The following IL17REL variants were observed in gnomAD, a reference collection of about 807,000 sequenced individuals.
IL17REL encodes interleukin-17 receptor E-like protein.
Under a neutral mutation model 49.0 loss-of-function variants are expected in IL17REL, and 36 were observed. That is an observed-to-expected ratio of 0.73 (90% CI 0.56 to 0.97). The LOEUF (loss-of-function observed/expected upper bound fraction) is 0.97. Ranked by LOEUF, IL17REL falls within the 50% of genes least tolerant of loss-of-function variation. The pLI is 0.00. For synonymous variants in IL17REL, 206 were observed against 192.4 expected (o/e 1.07, Z -0.58); for missense variants, 470 against 453.9 (o/e 1.04, Z -0.32).
intron 10 of IL17REL, chr22:49,997,478 T>C: frequency 6.5e-7 from 1 of 1,534,470 alleles, no homozygotes; most frequent in Non-Finnish European, 8.9e-7. Context: ...ATGGTCATTT[T>C]CCAGGCTGTG....
In IL17REL at chr22:49,998,175, G is replaced by C. The variant is rs199676737; in HGVS notation, c.736C>G (p.Arg246Gly). The change falls in exon 8 of 13, where the codon CGT becomes GGT. Residue 246 changes from arginine (R) to glycine (G), a missense_variant. By Grantham distance (125) the Arg-to-Gly change is moderately radical. Coordinates refer to ENST00000341280, the Ensembl canonical transcript of IL17REL. ...AGCTGGCTGGATTGCTGCAGCTTAC[G>C]GCAGCCGGCCCCCGGCCCCGGGCGC... 3.5e-5 allele frequency: 57 copies of C among 1,610,328 alleles called. 1 individual carries two copies. In the East Asian group the frequency reaches 1.1e-3, roughly 32 times the overall value.
intron 10 of IL17REL, 40 bp from the exon 13 acceptor site, chr22:49,997,523 A>G: frequency 7.4e-7 from 1 of 1,353,464 alleles, no homozygotes; most frequent in Non-Finnish European, 1.0e-6. Flanking sequence ...CCGGCCCAGC[A>G]CCCCACCGCC....
At chr22:49,998,337 T>C (rs1392101074) in intron 7 of IL17REL, 28 bp from the exon 10 acceptor site, 1 of 1,574,782 alleles carries the variant, frequency 6.4e-7, no homozygotes, top group Non-Finnish European at 8.6e-7. Context: ...GAAACACAGG[T>C]CAGTTGGGCC....
At chr22:50,007,601 A>T (rs1024241533) in intron 1 of IL17REL, among the ~76,000 whole-genome samples, 2 of 151,620 alleles carry the variant, frequency 1.3e-5, no homozygotes, top group African/African-American at 2.4e-5. Context: ...CTGGTCTCGA[A>T]CTCCTGACGT....
chr22:50,011,809 C>T (rs560534720), upstream of IL17REL, among the ~76,000 whole-genome samples: 1 of 152,330 alleles, frequency 6.6e-6, no homozygotes, highest in East Asian at 1.9e-4. Flanking sequence ...CGTCTCAGGC[C>T]CTGTGGAGCT....
At chr22:50,011,193 T>A, upstream of IL17REL, among the ~76,000 whole-genome samples, 1 of 128,534 alleles carries the variant, frequency 7.8e-6, no homozygotes. Context: ...CCCCACCCCA[T>A]CTTCCATGAG....
chr22:50,000,450 T>A, intron 4 of IL17REL, 28 bp downstream of exon 5: 1 of 1,545,672 alleles, frequency 6.5e-7, no homozygotes, highest in South Asian at 1.1e-5. Flanking sequence ...GAACGGTAGC[T>A]GTGCTCAGGG....
chr22:50,011,168 C>T (rs540554525), upstream of IL17REL, among the ~76,000 whole-genome samples: 1 of 151,874 alleles, frequency 6.6e-6, no homozygotes. Flanking sequence ...CCCTTGACCC[C>T]TCCTGCTCAA....
At chr22:49,998,759 G>C (rs889509376) in intron 7 of IL17REL, among the ~76,000 whole-genome samples, 5 of 151,456 alleles carry the variant, frequency 3.3e-5, no homozygotes, top group Admixed American at 2.0e-4. Context: ...GGGTGCGTGT[G>C]CATGGGTGCG....
At chr22:50,006,172 G>C (rs2061109557) in intron 1 of IL17REL, among the ~76,000 whole-genome samples, 1 of 152,076 alleles carries the variant, frequency 6.6e-6, no homozygotes, top group South Asian at 2.1e-4. Context: ...GTTAGCCAGA[G>C]CTGGACCAAC....
chr22:49,994,814 A>C (rs544826525), exon 13 of IL17REL: 1 of 152,552 alleles, frequency 6.6e-6, no homozygotes, highest in East Asian at 1.9e-4. Flanking sequence ...AGCCTACGTG[A>C]CCCACACGAG....
intron 1 of IL17REL, 146 bp from the exon 3 acceptor site, chr22:50,001,377 C>T (rs2061079419): frequency 3.4e-6 from 2 of 581,342 alleles, no homozygotes; most frequent in Non-Finnish European, 6.1e-6. Context: ...AACTGGAGAG[C>T]AAGTCCCCTG....
At chr22:49,997,029 T>C (rs1261821791) in exon 12 of IL17REL, 2 of 1,553,252 alleles carry the variant, frequency 1.3e-6, no homozygotes, top group East Asian at 2.3e-5. Flanking sequence ...GCCTCCTCCC[T>C]GGGAAGGTCT....
exon 7 of IL17REL, chr22:49,999,308 A>T (rs1211382156): frequency 6.2e-7 from 1 of 1,612,988 alleles, no homozygotes; most frequent in Non-Finnish European, 8.5e-7. Flanking sequence ...AAAGGGGCAG[A>T]TCTGGATCCG....
At chr22:50,006,527 C>G (rs2061111446) in intron 1 of IL17REL, among the ~76,000 whole-genome samples, 1 of 152,070 alleles carries the variant, frequency 6.6e-6, no homozygotes, top group African/African-American at 2.4e-5. Flanking sequence ...ACAGGCCAAG[C>G]AGGCGAAAAA....
intron 1 of IL17REL, among the ~76,000 whole-genome samples, chr22:50,002,708 T>C (rs1414918184): frequency 6.6e-6 from 1 of 152,154 alleles, no homozygotes; most frequent in Non-Finnish European, 1.5e-5. Flanking sequence ...CTGGCCAGGC[T>C]GGTCTCAAAC....
chr22:49,996,924 A>G (rs913316952), intron 12 of IL17REL, 64 bp from the exon 15 acceptor site: 31 of 740,440 alleles, frequency 4.2e-5, no homozygotes, highest in African/African-American at 2.3e-4. Context: ...GGGGATGGGA[A>G]GGGGGGGTGT....
downstream of IL17REL, among the ~76,000 whole-genome samples, chr22:49,992,067 T>G (rs200908991): frequency 3.3e-5 from 5 of 152,336 alleles, no homozygotes; most frequent in South Asian, 2.1e-4. Flanking sequence ...AGTTTCTGAT[T>G]AGCCTTTCCA....
intron 1 of IL17REL, among the ~76,000 whole-genome samples, chr22:50,001,948 T>G (rs1185131515): frequency 6.6e-6 from 1 of 152,208 alleles, no homozygotes; most frequent in Non-Finnish European, 1.5e-5. Context: ...GGTGAGACAG[T>G]GCGGCTGCTG....
Sources: allele counts gnomAD v4.1 joint callset (sites outside exome capture counted in the v4.1 genomes callset), GRCh38; gene constraint gnomAD v4.1.1; transcripts MANE v1.5; gene names NCBI Gene and HGNC (gene_info 2026-07-23, HGNC 2026-07-21).